CNTN4: variants seen among roughly 807,000 people sequenced by gnomAD.
The protein encoded by CNTN4 is contactin-4.
CNTN4 carries 77 observed loss-of-function variants against 122.5 expected under a neutral mutation model. That is an observed-to-expected ratio of 0.63 (90% CI 0.52 to 0.76). The LOEUF is 0.76. CNTN4 is among the 30% of genes least tolerant of loss of function. The pLI is 0.00. For missense variants in CNTN4, 1,256 were observed against 1,259.1 expected (o/e 1.00, Z 0.04); for synonymous variants, 512 against 447.0 (o/e 1.15, Z -1.83).
chr3:2,869,396 A>C (rs1318323404), intron 8 of CNTN4, among the ~76,000 whole-genome samples: 2 of 152,150 alleles, frequency 1.3e-5, no homozygotes, highest in African/African-American at 4.8e-5. Context: ...AGCTGCGAGA[A>C]CCTGATCATT....
chr3:3,056,259 C>A lies in CNTN4; in HGVS notation c.*39C>A. 5 of 1,426,530 alleles carry A rather than the reference C, an allele frequency of 3.5e-6. No homozygotes were observed. The highest frequency in any genetic ancestry group is 5.0e-6 in the Non-Finnish European group (5 of 1,009,300). 88.4% of individuals were successfully genotyped at this position (1,426,530 alleles called of 1,614,324 possible). On this transcript the variant is annotated 3_prime_UTR_variant, in exon 25 of 25. Coordinates refer to ENST00000418658, the MANE Select transcript of CNTN4 (RefSeq NM_175607.3). ...AAGGACTTGCTGTTTATAATATAAG[C>A]AACATTTAGCTAGTTGTTTTGAAGA...
intron 13 of CNTN4, among the ~76,000 whole-genome samples, chr3:2,945,520 G>A (rs1292997848): frequency 6.6e-6 from 1 of 152,074 alleles, no homozygotes; most frequent in Non-Finnish European, 1.5e-5. Context: ...CTCTTAAAAT[G>A]TCTGGGCACC....
intron 4 of CNTN4, among the ~76,000 whole-genome samples, chr3:2,676,360 T>A (rs2084844642): frequency 6.6e-6 from 1 of 152,102 alleles, no homozygotes; most frequent in Non-Finnish European, 1.5e-5. Flanking sequence ...TAGCTGGAAT[T>A]ACAGGTGTGC....
chr3:2,828,400 G>A (rs1188958712), intron 7 of CNTN4, among the ~76,000 whole-genome samples: 4 of 152,094 alleles, frequency 2.6e-5, no homozygotes. Flanking sequence ...ATTCAGAAAA[G>A]GTCCTGTAAT....
intron 2 of CNTN4, among the ~76,000 whole-genome samples, chr3:2,187,058 T>C (rs972927068): frequency 6.6e-6 from 1 of 152,230 alleles, no homozygotes; most frequent in African/African-American, 2.4e-5. Flanking sequence ...TTTATGGTTT[T>C]AGGTCTAACA....
chr3:2,301,705 G>T (rs1213676298), intron 2 of CNTN4, among the ~76,000 whole-genome samples: 2 of 152,172 alleles, frequency 1.3e-5, no homozygotes, highest in African/African-American at 2.4e-5. Flanking sequence ...GCAGTGTGAA[G>T]TCTGAGTTTA....
intron 4 of CNTN4, among the ~76,000 whole-genome samples, chr3:2,572,878 A>G (rs943467162): frequency 6.6e-6 from 1 of 152,222 alleles, no homozygotes; most frequent in Non-Finnish European, 1.5e-5. Context: ...ATCAAAAATA[A>G]TAATGGTAGT....
At chr3:2,283,325 G>A (rs898084702) in intron 2 of CNTN4, among the ~76,000 whole-genome samples, 12 of 152,062 alleles carry the variant, frequency 7.9e-5, no homozygotes, top group African/African-American at 2.9e-4. Context: ...TATCAGGGAT[G>A]CATTTGGATA....
intron 3 of CNTN4, among the ~76,000 whole-genome samples, chr3:2,400,542 G>C (rs1290922333): frequency 6.8e-6 from 1 of 147,582 alleles, no homozygotes; most frequent in Non-Finnish European, 1.5e-5. Context: ...GTGGATATTT[G>C]TATTTCTGTA....
intron 3 of CNTN4, among the ~76,000 whole-genome samples, chr3:2,444,150 G>A (rs1156312231): frequency 6.7e-6 from 1 of 148,456 alleles, no homozygotes; most frequent in African/African-American, 2.5e-5. Flanking sequence ...ACCAAGTCCC[G>A]TTACTTCAAT....
At chr3:2,837,622 T>C (rs1049401597) in intron 7 of CNTN4, among the ~76,000 whole-genome samples, 3 of 152,180 alleles carry the variant, frequency 2.0e-5, no homozygotes, top group Non-Finnish European at 4.4e-5. Flanking sequence ...AGAAAATTGC[T>C]TGAGGGGGAG....
chr3:2,416,140 T>C (rs913445479), intron 3 of CNTN4, among the ~76,000 whole-genome samples: 3 of 151,986 alleles, frequency 2.0e-5, no homozygotes, highest in Non-Finnish European at 2.9e-5. Context: ...TATATGACAA[T>C]GGTTTTAGGT....
At chr3:2,426,236 C>A (rs191350599) in intron 3 of CNTN4, among the ~76,000 whole-genome samples, 16 of 152,128 alleles carry the variant, frequency 1.1e-4, no homozygotes, top group Non-Finnish European at 2.1e-4. Flanking sequence ...TTTTGAGATA[C>A]GTCCCATCAA....
intron 12 of CNTN4, among the ~76,000 whole-genome samples, chr3:2,920,109 A>T (rs1339616801): frequency 1.3e-5 from 2 of 151,892 alleles, no homozygotes; most frequent in Non-Finnish European, 2.9e-5. Context: ...TTGAAGATGT[A>T]TTTCTTATCC....
intron 2 of CNTN4, among the ~76,000 whole-genome samples, chr3:2,315,524 A>G (rs1188928060): frequency 1.3e-5 from 2 of 151,862 alleles, no homozygotes; most frequent in Admixed American, 6.6e-5. Context: ...CTATTTTTCT[A>G]TTTATGCTTT....
At chr3:2,961,667 G>T (rs1391933) in intron 13 of CNTN4, among the ~76,000 whole-genome samples, 65,187 of 151,972 alleles carry the variant, frequency 0.43, 14,124 homozygotes, top group East Asian at 0.6. Context: ...GCCATCCTTT[G>T]AAGTCACACA....
chr3:2,550,466 A>C (rs1370324573), intron 3 of CNTN4, among the ~76,000 whole-genome samples: 1 of 152,204 alleles, frequency 6.6e-6, no homozygotes, highest in African/African-American at 2.4e-5. Flanking sequence ...GCTGGAGAGG[A>C]TGCAGAGAAA....
chr3:2,435,852 C>T (rs780910041), intron 3 of CNTN4, among the ~76,000 whole-genome samples: 8 of 152,248 alleles, frequency 5.3e-5, no homozygotes, highest in South Asian at 2.1e-4. Flanking sequence ...TTATTTTCTT[C>T]CCACAGAACG....
rs72995342 is a variant in CNTN4, at chr3:2,808,801, G to T, written c.359-10685G>T. Among the ~76,000 whole-genome samples the T allele has an allele frequency of 8.5e-3, 1,288 of 152,320 alleles. 10 individuals are homozygous for T. The highest frequency in any genetic ancestry group is 0.013 in the Non-Finnish European group (896 of 68,032). The stretch of plus-strand genomic sequence containing the variant: ...GATGCGGGAAAGTAGGTGGCTCCAT[G>T]CCCTTGATTGGACACCTTTTCTTGA... On this transcript the variant is annotated intron_variant, in intron 6 of 24. Coordinates refer to ENST00000418658, the MANE Select transcript of CNTN4 (RefSeq NM_175607.3).
Sources: allele counts gnomAD v4.1 joint callset (sites outside exome capture counted in the v4.1 genomes callset), GRCh38; gene constraint gnomAD v4.1.1; transcripts MANE v1.5; gene names NCBI Gene and HGNC (gene_info 2026-07-23, HGNC 2026-07-21).